The following RAB38 variants were observed in gnomAD, a reference collection of about 807,000 sequenced individuals.
RAB38 encodes RAB38, member RAS oncogene family, also known as ras-related protein Rab-38.
In RAB38, 15 loss-of-function variants were observed where a neutral mutation model predicts 18.4. The observed-to-expected ratio is 0.82, with a 90% CI of 0.55 to 1.26. The LOEUF (loss-of-function observed/expected upper bound fraction) is 1.26, where lower values mean the gene tolerates loss of function less well. Ranked by LOEUF, RAB38 falls within the 50% of genes most tolerant of loss-of-function variation. The probability of loss-of-function intolerance (pLI) is 0.00; values close to 1 mark genes in which losing one functional copy is unlikely to be tolerated. For missense variants in RAB38, 294 were observed against 267.4 expected (o/e 1.10, Z -0.69); for synonymous variants, 101 against 104.4 (o/e 0.97, Z 0.20).
the RAB38 span, among the ~76,000 whole-genome samples, chr11:88,052,226 A>G: frequency 1.3e-5 from 2 of 152,200 alleles, no homozygotes; most frequent in Non-Finnish European, 2.9e-5. Context: ...ACTTTTAGAT[A>G]GATCAGTAGA....
the RAB38 span, among the ~76,000 whole-genome samples, chr11:87,948,763 C>G: frequency 8.0e-5 from 12 of 149,550 alleles, no homozygotes; most frequent in Admixed American, 2.7e-4. Flanking sequence ...GGTGGATAAG[C>G]TTTTTGATGT....
the RAB38 span, among the ~76,000 whole-genome samples, chr11:87,877,849 C>T: frequency 6.6e-6 from 1 of 151,474 alleles, no homozygotes; most frequent in Non-Finnish European, 1.5e-5. Context: ...AAATCAATCC[C>T]TCCTTGTGTT....
chr11:88,154,466 C>T (rs1443231750), intron 1 of RAB38, among the ~76,000 whole-genome samples: 2 of 152,190 alleles, frequency 1.3e-5, no homozygotes, highest in East Asian at 3.9e-4. Context: ...CTAGGGCCAG[C>T]TTGGCGATCT....
At chr11:87,960,761 C>G in the RAB38 span, among the ~76,000 whole-genome samples, 1 of 152,168 alleles carries the variant, frequency 6.6e-6, no homozygotes, top group Non-Finnish European at 1.5e-5. Flanking sequence ...AAGATATTCA[C>G]TAACTCCTTT....
At chr11:87,836,535 C>T in the RAB38 span, among the ~76,000 whole-genome samples, 9 of 152,080 alleles carry the variant, frequency 5.9e-5, no homozygotes, top group African/African-American at 1.9e-4. Flanking sequence ...ATCATCTCTC[C>T]CCAAAGTTAC....
At chr11:87,950,663 A>G in the RAB38 span, among the ~76,000 whole-genome samples, 1 of 152,192 alleles carries the variant, frequency 6.6e-6, no homozygotes, top group Non-Finnish European at 1.5e-5. Context: ...TTGGCTGGAT[A>G]TGAAATTCTG....
At chr11:88,099,016 TA>T in the RAB38 span, among the ~76,000 whole-genome samples, 2 of 152,010 alleles carry the variant, frequency 1.3e-5, no homozygotes, top group East Asian at 3.9e-4. Flanking sequence ...AAATCTTGTA[TA>T]TTTTTAACTG....
the RAB38 span, among the ~76,000 whole-genome samples, chr11:88,032,997 A>C: frequency 6.6e-6 from 1 of 152,192 alleles, no homozygotes; most frequent in East Asian, 1.9e-4. Context: ...ACAATGATAG[A>C]CTGGATTAAG....
At chr11:88,056,762 C>A in the RAB38 span, among the ~76,000 whole-genome samples, 1 of 151,982 alleles carries the variant, frequency 6.6e-6, no homozygotes, top group Admixed American at 6.6e-5. Flanking sequence ...CAAGATCGCA[C>A]CACTGCACTC....
the RAB38 span, among the ~76,000 whole-genome samples, chr11:87,955,211 T>G: frequency 3.9e-5 from 6 of 152,354 alleles, no homozygotes; most frequent in Admixed American, 3.9e-4. Context: ...TCATTTATTT[T>G]TTCCTCTTCT....
chr11:88,072,782 G>A, the RAB38 span, among the ~76,000 whole-genome samples: 96,709 of 151,796 alleles, frequency 0.64, 31,202 homozygotes, highest in African/African-American at 0.72. Flanking sequence ...AATCAGTAAC[G>A]TATGCTTCTA....
chr11:87,936,583 A>G, the RAB38 span, among the ~76,000 whole-genome samples: 9 of 152,072 alleles, frequency 5.9e-5, no homozygotes, highest in Non-Finnish European at 1.2e-4. Context: ...TTGTACCTAA[A>G]AAGCAAGTTT....
At chr11:87,960,338 G>C in the RAB38 span, among the ~76,000 whole-genome samples, 1 of 147,002 alleles carries the variant, frequency 6.8e-6, no homozygotes, top group Non-Finnish European at 1.5e-5. Context: ...CACAGTTTGA[G>C]TATCACTGAC....
the RAB38 span, among the ~76,000 whole-genome samples, chr11:87,826,041 T>G: frequency 6.6e-6 from 1 of 152,078 alleles, no homozygotes; most frequent in South Asian, 2.1e-4. Context: ...TGGGTAGTAG[T>G]GCAAGAATGA....
chr11:88,096,163 A>C, the RAB38 span, among the ~76,000 whole-genome samples: 4 of 151,682 alleles, frequency 2.6e-5, no homozygotes, highest in African/African-American at 4.8e-5. Flanking sequence ...GAAATCCTAC[A>C]TCATCTTTAC....
the RAB38 span, among the ~76,000 whole-genome samples, chr11:87,913,497 G>C: frequency 0.089 from 13,476 of 152,128 alleles, 1,530 homozygotes; most frequent in African/African-American, 0.27. Flanking sequence ...CATGAGTTGT[G>C]TAATATGAAT....
At chr11:88,007,721 A>G in the RAB38 span, among the ~76,000 whole-genome samples, 9 of 152,184 alleles carry the variant, frequency 5.9e-5, no homozygotes, top group African/African-American at 1.7e-4. Flanking sequence ...TAACCCAACA[A>G]GCCTGAAATT....
the RAB38 span, among the ~76,000 whole-genome samples, chr11:88,076,599 T>C: frequency 1.3e-5 from 2 of 152,048 alleles, no homozygotes; most frequent in South Asian, 4.2e-4. Context: ...TCAACATACA[T>C]GCATGCCAAC....
At chr11:88,107,848 A>G in the RAB38 span, among the ~76,000 whole-genome samples, 2 of 152,074 alleles carry the variant, frequency 1.3e-5, no homozygotes, top group East Asian at 3.9e-4. Context: ...CAAATAACTT[A>G]TTTATTTCTA....
Sources: gnomAD v4.1 joint callset for allele counts (sites outside exome capture counted in the v4.1 genomes callset) on GRCh38, gnomAD v4.1.1 for gene constraint, MANE v1.5 for transcripts, NCBI Gene and HGNC (gene_info 2026-07-23, HGNC 2026-07-21) for gene names.